Variants in STON2 observed in about 807,000 individuals in gnomAD.
STON2 encodes stonin 2.
Under a neutral mutation model 65.7 loss-of-function variants are expected in STON2, and 29 were observed. The observed-to-expected ratio is 0.44, with a 90% CI of 0.33 to 0.60. The LOEUF is 0.60. STON2 is among the 20% of genes least tolerant of loss of function. The pLI is 0.03. For synonymous variants in STON2, 404 were observed against 414.2 expected (o/e 0.98, Z 0.30); for missense variants, 1,054 against 1,118.1 (o/e 0.94, Z 0.82).
intron 2 of STON2, 133 bp from the exon 3 acceptor site, chr14:81,396,311 A>G: frequency 2.7e-6 from 2 of 741,850 alleles, no homozygotes; most frequent in Non-Finnish European, 2.2e-6. Flanking sequence ...GAGAAGAAAG[A>G]GCCACACCCA....
intron 5 of STON2, among the ~76,000 whole-genome samples, chr14:81,300,906 G>A (rs1021845099): frequency 6.6e-6 from 1 of 152,068 alleles, no homozygotes; most frequent in African/African-American, 2.4e-5. Flanking sequence ...ATTAATAATA[G>A]TGAAAACCTG....
At chr14:81,296,227 G>C (rs1348294350) in intron 5 of STON2, among the ~76,000 whole-genome samples, 1 of 152,174 alleles carries the variant, frequency 6.6e-6, no homozygotes, top group African/African-American at 2.4e-5. Context: ...TGCAACGTCT[G>C]GCTGCCTCAG....
At chr14:81,367,292 C>T (rs1898781023) in intron 4 of STON2, among the ~76,000 whole-genome samples, 1 of 152,062 alleles carries the variant, frequency 6.6e-6, no homozygotes, top group Admixed American at 6.6e-5. Context: ...AATTCTCCTG[C>T]CTCAGCTTCT....
intron 4 of STON2, among the ~76,000 whole-genome samples, chr14:81,328,062 T>C (rs1055168842): frequency 5.3e-5 from 8 of 152,036 alleles, no homozygotes; most frequent in African/African-American, 1.9e-4. Context: ...ATGCAAAGAG[T>C]ATGTTTCAGT....
At chr14:81,307,723 T>C (rs1262782799) in intron 5 of STON2, among the ~76,000 whole-genome samples, 3 of 152,374 alleles carry the variant, frequency 2.0e-5, no homozygotes, top group Non-Finnish European at 4.4e-5. Flanking sequence ...ATAATCCACT[T>C]ACACTTAAGG....
intron 4 of STON2, among the ~76,000 whole-genome samples, chr14:81,338,643 G>A (rs1254149764): frequency 6.6e-6 from 1 of 152,210 alleles, no homozygotes; most frequent in Non-Finnish European, 1.5e-5. Flanking sequence ...ATCTTAAGTG[G>A]GGGATAGTCT....
At chr14:81,427,305 C>CT (rs1405302446) in intron 1 of STON2, 3 of 152,424 alleles carry the variant, frequency 2.0e-5, no homozygotes, top group Admixed American at 2.0e-4. Context: ...CCTGACCTGA[C>CT]TGGGTGCATA....
Position 81,411,881 on chromosome 14 carries a change from T to G in STON2, c.-198-13301A>C, listed in dbSNP as rs1423100520. ...AGTTAAGACAAGGAATAACAAGGAATCTTATACATAGAGTGACAGAAGATG... is the reference window on the plus strand; with the variant it reads ...AGTTAAGACAAGGAATAACAAGGAAGCTTATACATAGAGTGACAGAAGATG... On this transcript the variant is annotated intron_variant, in intron 2 of 8. Transcript: ENST00000553821. 3.9e-4 allele frequency among the ~76,000 whole-genome samples: 38 copies of G among 98,172 alleles called. 1 individual carries two copies. The highest frequency in any genetic ancestry group is 1.0e-3 in the African/African-American group (17 of 16,978). The allele number at this position is 98,172 out of a possible 152,430, so 64.4% of individuals were successfully genotyped here.
chr14:81,267,876 G>T lies in STON2; in HGVS notation c.*538C>A. Reference sequence around the variant, plus strand: ...ATGTCTTGAAAGCTTAACAGTTAAAGAATGGAGACACCTCAAAAAGGTCTA... The same window carrying T: ...ATGTCTTGAAAGCTTAACAGTTAAATAATGGAGACACCTCAAAAAGGTCTA... On this transcript the variant is annotated 3_prime_UTR_variant, in exon 8 of 8. Transcript: ENST00000614646. 1.0e-6 allele frequency: 1 copy of T among 985,444 alleles called. No individual in the cohort carries two copies. Among genetic ancestry groups the T allele is most frequent in the Non-Finnish European group, 1.2e-6 (1 of 829,988 alleles). 61.0% of individuals were successfully genotyped at this position (985,444 alleles called of 1,614,324 possible). A position where few individuals can be genotyped will look rare whatever the true frequency, so the allele number is the denominator to read the frequency against.
intron 2 of STON2, among the ~76,000 whole-genome samples, chr14:81,415,681 A>AAG (rs1340272531): frequency 1.3e-5 from 2 of 151,894 alleles, no homozygotes; most frequent in East Asian, 3.9e-4. Context: ...AAAAAAAAAA[A>AAG]AAAAAAAAAT....
chr14:81,268,643 C>T (rs2140094692), intron 7 of STON2, 146 bp from the exon 8 acceptor site: 4 of 1,222,676 alleles, frequency 3.3e-6, no homozygotes, highest in Non-Finnish European at 4.2e-6. Context: ...GAGCTACTGG[C>T]CCTGAGTATA....
At chr14:81,408,060 T>C (rs910586678) in intron 2 of STON2, among the ~76,000 whole-genome samples, 3 of 98,062 alleles carry the variant, frequency 3.1e-5, no homozygotes, top group African/African-American at 1.8e-4. Flanking sequence ...TTCTCTTCCC[T>C]TTCCTCTTCC....
chr14:81,385,627 A>G (rs184323397), intron 3 of STON2, among the ~76,000 whole-genome samples: 1 of 152,188 alleles, frequency 6.6e-6, no homozygotes, highest in Non-Finnish European at 1.5e-5. Flanking sequence ...GCCATCCTTC[A>G]AGTTCTACCT....
intron 3 of STON2, among the ~76,000 whole-genome samples, chr14:81,385,005 A>G (rs1899724016): frequency 6.6e-6 from 1 of 152,092 alleles, no homozygotes; most frequent in South Asian, 2.1e-4. Flanking sequence ...CACTCCCCAA[A>G]AGCTCCATTA....
rs1233563746 is a variant in STON2, at chr14:81,261,826, A to C, written c.*6588T>G. 4 of 1,533,490 alleles carry C rather than the reference A, an allele frequency of 2.6e-6. No homozygotes were observed. The South Asian group carries it at 3.6e-5, about 14-fold the overall frequency. The allele number at this position is 1,533,490 out of a possible 1,614,324, so 95.0% of individuals were successfully genotyped here. ...GATGATGCCAGTGGAACTTCCAAAG[A>C]AGCATTCCACCTGATCTTCACCACC... On this transcript the variant is annotated 3_prime_UTR_variant, in exon 8 of 8. Coordinates refer to ENST00000614646, the MANE Select transcript of STON2 (RefSeq NM_001394390.1).
At chr14:81,269,427 C>T (rs753629176) in intron 7 of STON2, 136 of 985,342 alleles carry the variant, frequency 1.4e-4, no homozygotes, top group Non-Finnish European at 1.6e-4. Context: ...ACAGATTAAT[C>T]TTTGAAAGTA....
chr14:81,300,077 T>C (rs1289581097), intron 5 of STON2, among the ~76,000 whole-genome samples: 1 of 151,946 alleles, frequency 6.6e-6, no homozygotes. Context: ...TTTCAGTAAT[T>C]AAGACAATCT....
intron 7 of STON2, chr14:81,269,318 TTC>T (rs1414415193): frequency 2.0e-6 from 2 of 985,320 alleles, no homozygotes; most frequent in African/African-American, 3.5e-5. Context: ...CTCCAGTACT[TTC>T]TCTCTTTAGA....
chr14:81,311,360 C>G (rs2140214710), intron 5 of STON2, among the ~76,000 whole-genome samples: 1 of 152,250 alleles, frequency 6.6e-6, no homozygotes, highest in East Asian at 1.9e-4. Context: ...CAGCAGAACC[C>G]CTGATGTTGA....
Sources: gnomAD v4.1 joint callset for allele counts (sites outside exome capture counted in the v4.1 genomes callset) on GRCh38, gnomAD v4.1.1 for gene constraint, MANE v1.5 for transcripts, NCBI Gene and HGNC (gene_info 2026-07-23, HGNC 2026-07-21) for gene names.